AMPH: variants seen among roughly 807,000 people sequenced by gnomAD.
AMPH encodes amphiphysin.
Under a neutral mutation model 99.1 loss-of-function variants are expected in AMPH, and 49 were observed. The observed-to-expected ratio is 0.49, with a 90% CI of 0.39 to 0.63. The LOEUF is 0.63. AMPH is among the 20% of genes least tolerant of loss of function. The pLI, the probability that AMPH is intolerant of heterozygous loss-of-function variation, is 0.00. For synonymous variants in AMPH, 314 were observed against 317.3 expected (o/e 0.99, Z 0.11); for missense variants, 759 against 863.4 (o/e 0.88, Z 1.52).
At chr7:38,458,983 CA>C (rs913440600) in intron 11 of AMPH, among the ~76,000 whole-genome samples, 5 of 151,274 alleles carry the variant, frequency 3.3e-5, no homozygotes, top group African/African-American at 9.7e-5. Flanking sequence ...AGAATCCACC[CA>C]AAAAAAACCT....
chr7:38,433,909 T>A (rs866056961), intron 12 of AMPH, among the ~76,000 whole-genome samples: 3 of 152,050 alleles, frequency 2.0e-5, no homozygotes, highest in African/African-American at 7.3e-5. Flanking sequence ...GATCACAAGA[T>A]GAGGTGTTCT....
rs145331905 is a variant in AMPH, at chr7:38,608,129, C to T, written c.69+23154G>A. ...CTGGGATTACAGGCAAGAGCCACCA[C>T]GCCTGGCCCTTCAGAGATTTTCTGT... On this transcript the variant is annotated intron_variant, in intron 1 of 20. Transcript: ENST00000356264. Among the ~76,000 whole-genome samples, 135 of 152,292 alleles carry T rather than the reference C, an allele frequency of 8.9e-4. 1 individual carries two copies. Among genetic ancestry groups the T allele is most frequent in the African/African-American group, 3.0e-3 (125 of 41,574 alleles).
At chr7:38,568,512 G>C (rs1407471561) in intron 1 of AMPH, among the ~76,000 whole-genome samples, 1 of 152,164 alleles carries the variant, frequency 6.6e-6, no homozygotes, top group Non-Finnish European at 1.5e-5. Context: ...CTCTGTAATG[G>C]GTTTGAGCTA....
chr7:38,429,454 C>A lies in AMPH; in HGVS notation c.1182+388G>T, dbSNP rs1350971337. The A allele has an allele frequency of 6.2e-6, 8 of 1,299,528 alleles. No homozygotes were observed. In the East Asian group the frequency reaches 3.7e-4, roughly 61 times the overall value. The allele number at this position is 1,299,528 out of a possible 1,614,324, so 80.5% of individuals were successfully genotyped here. A position where few individuals can be genotyped will look rare whatever the true frequency, so the allele number is the denominator to read the frequency against. On this transcript the variant is annotated intron_variant, in intron 14 of 20. Transcript: ENST00000356264. ...TCTTGGCTGACCCTGTCTGTACTAG[C>A]GTCAGGGCCCCAAGTAAATGCACCT... is the stretch of plus-strand genomic sequence containing the variant.
chr7:38,432,323 A>C (rs909113013), intron 12 of AMPH, 111 bp from the exon 13 acceptor site: 1 of 973,382 alleles, frequency 1.0e-6, no homozygotes, highest in Non-Finnish European at 1.6e-6. Context: ...CATTTTGTAC[A>C]GTACTGTTCA....
intron 17 of AMPH, among the ~76,000 whole-genome samples, chr7:38,396,488 T>C (rs1301556824): frequency 1.3e-5 from 2 of 152,238 alleles, no homozygotes; most frequent in African/African-American, 4.8e-5. Context: ...GTCTCAGGTA[T>C]GTCTTTATCA....
chr7:38,389,901 T>C lies in AMPH; in HGVS notation c.1883A>G (p.Glu628Gly), dbSNP rs750837865. 1 of 1,610,322 alleles carries C rather than the reference T, an allele frequency of 6.2e-7. No homozygotes were observed. The highest frequency in any genetic ancestry group is 1.1e-5 in the South Asian group (1 of 90,992). The change falls in exon 20 of 21, where the codon GAA becomes GGA. Residue 628 changes from glutamate to glycine, a missense_variant. Glu to Gly is a moderately conservative substitution (Grantham distance 98). This residue lies in a region of AMPH where 554 missense variants were observed against 575.6 expected (regional missense o/e 0.96). Transcript: ENST00000356264. ...ELPPGFLYKV[E>G]TLHDFEAANS... ...TGCTGCCTCAAAATCATGCAGTGTTTCCACCTGCAGAAGATAAGAATACAT... is the reference window on the plus strand; with the variant it reads ...TGCTGCCTCAAAATCATGCAGTGTTCCCACCTGCAGAAGATAAGAATACAT...
chr7:38,472,698 G>C (rs1343178304), intron 7 of AMPH, among the ~76,000 whole-genome samples: 1 of 152,174 alleles, frequency 6.6e-6, no homozygotes, highest in Admixed American at 6.5e-5. Context: ...GTCAGGTTTT[G>C]ATCGAAAGGC....
intron 1 of AMPH, among the ~76,000 whole-genome samples, chr7:38,611,520 G>T (rs543692704): frequency 1.3e-5 from 2 of 152,322 alleles, no homozygotes; most frequent in East Asian, 3.9e-4. Flanking sequence ...TCTGGACAGT[G>T]AAATCATATT....
chr7:38,575,051 T>TAAAAAAAAAAAAAAAAAAAAA (rs3056279), intron 1 of AMPH, among the ~76,000 whole-genome samples: 1 of 105,310 alleles, frequency 9.5e-6, no homozygotes, highest in Non-Finnish European at 1.8e-5. Flanking sequence ...AGACTCTGTC[T>TAAAAAAAAAAAAAAAAAAAAA]AAAAAAAAAA....
At chr7:38,419,649 T>A (rs1483840600) in intron 16 of AMPH, among the ~76,000 whole-genome samples, 4 of 152,148 alleles carry the variant, frequency 2.6e-5, no homozygotes, top group Non-Finnish European at 5.9e-5. Context: ...ATCTTACCAT[T>A]TGGGAAGTCA....
Position 38,441,741 on chromosome 7 carries a change from CAGAT to C in AMPH, c.1018-5357_1018-5354del, listed in dbSNP as rs1476991718. 8.1e-5 allele frequency among the ~76,000 whole-genome samples: 8 copies of C among 99,296 alleles called. 1 individual carries two copies. The highest frequency in any genetic ancestry group is 2.7e-4 in the African/African-American group (8 of 29,766). The allele number at this position is 99,296 out of a possible 152,430, so 65.1% of individuals were successfully genotyped here. On this transcript the variant is annotated intron_variant, in intron 11 of 20. Coordinates refer to ENST00000356264, the MANE Select transcript of AMPH (RefSeq NM_001635.4). ...TGGATAAAGAAAATGATATATATGA[CAGAT>C]ATATCATATATATATCATATATATG...
chr7:38,466,293 C>G, intron 7 of AMPH, 45 bp from the exon 8 acceptor site: 1 of 1,451,186 alleles, frequency 6.9e-7, no homozygotes, highest in Non-Finnish European at 9.4e-7. Flanking sequence ...GAGGGAAAGA[C>G]CAGTCAGTAA....
At chr7:38,466,446 T>C (rs1456940869) in intron 7 of AMPH, among the ~76,000 whole-genome samples, 198 bp from the exon 8 acceptor site, 1 of 152,098 alleles carries the variant, frequency 6.6e-6, no homozygotes, top group East Asian at 1.9e-4. Context: ...AAGTATCTTT[T>C]GGCATAGAGC....
At chr7:38,435,812 C>G (rs572293076) in intron 12 of AMPH, among the ~76,000 whole-genome samples, 23 of 152,058 alleles carry the variant, frequency 1.5e-4, no homozygotes, top group Non-Finnish European at 3.2e-4. Flanking sequence ...AAGTTCAGAA[C>G]GATCAACACT....
chr7:38,469,474 G>C (rs73120241), intron 7 of AMPH, among the ~76,000 whole-genome samples: 2,957 of 152,268 alleles, frequency 0.019, 36 homozygotes, highest in Non-Finnish European at 0.028. Flanking sequence ...TCCCTGGAGG[G>C]GAGTGTCAGT....
intron 1 of AMPH, among the ~76,000 whole-genome samples, chr7:38,550,525 G>A (rs1441462874): frequency 1.3e-5 from 2 of 152,102 alleles, no homozygotes; most frequent in African/African-American, 2.4e-5. Flanking sequence ...TCTCTGTTTC[G>A]CATTTCCCTC....
chr7:38,388,687 T>G (rs1007184990), intron 20 of AMPH, among the ~76,000 whole-genome samples: 1 of 143,382 alleles, frequency 7.0e-6, no homozygotes, highest in East Asian at 2.0e-4. Context: ...TTACCCAGGC[T>G]GGAGTGCAGT....
chr7:38,575,658 T>G (rs1471755531), intron 1 of AMPH, among the ~76,000 whole-genome samples: 1 of 152,216 alleles, frequency 6.6e-6, no homozygotes, highest in East Asian at 1.9e-4. Context: ...TTATTATAAG[T>G]GTCCTGAGGC....
Sources: gnomAD v4.1 joint callset for allele counts (sites outside exome capture counted in the v4.1 genomes callset) on GRCh38, gnomAD v4.1.1 for gene constraint, gnomAD v4.1.1 regional missense constraint, MANE v1.5 for transcripts, NCBI Gene and HGNC (gene_info 2026-07-23, HGNC 2026-07-21) for gene names.